Variants in DDB2 observed in about 807,000 individuals in gnomAD.
DDB2 encodes damage specific DNA binding protein 2, also known as DNA damage-binding protein 2.
Under a neutral mutation model 50.5 loss-of-function variants are expected in DDB2, and 27 were observed. That is an observed-to-expected ratio of 0.53 (90% confidence interval 0.39 to 0.74). The LOEUF is 0.74. Among genes scored for constraint, DDB2 ranks in the 30% least tolerant of loss-of-function variants. The pLI is 0.00. For synonymous variants in DDB2, 176 were observed against 205.5 expected, an observed-to-expected ratio of 0.86 and a Z score of 1.23; for missense variants, 424 against 545.6, an observed-to-expected ratio of 0.78 and a Z score of 2.22.
At chr11:47,224,124 T>A (rs1336634367) in intron 3 of DDB2, among the ~76,000 whole-genome samples, 1 of 152,118 alleles carries the variant, frequency 6.6e-6, no homozygotes, top group African/African-American at 2.4e-5. Context: ...TGATGAGAAG[T>A]CTGCTACTAT....
chr11:47,231,668 A>G (rs552362641), intron 3 of DDB2, among the ~76,000 whole-genome samples: 1 of 152,030 alleles, frequency 6.6e-6, no homozygotes, highest in South Asian at 2.1e-4. Context: ...AACCACATGC[A>G]CCTACCACCA....
At chr11:47,217,076 G>A (rs1423370573) in intron 3 of DDB2, 27 bp downstream of exon 3, 1 of 1,604,584 alleles carries the variant, frequency 6.2e-7, no homozygotes, top group African/African-American at 1.3e-5. Flanking sequence ...GCCAGGTCGT[G>A]CTAAAGAAGT....
chr11:47,215,351 C>A (rs1953385284), intron 1 of DDB2, 88 bp downstream of exon 1: 1 of 1,601,290 alleles, frequency 6.2e-7, no homozygotes. Context: ...CTCCGAGGCT[C>A]CCGAGGCCCG....
intron 3 of DDB2, among the ~76,000 whole-genome samples, chr11:47,218,019 C>T (rs1427851944): frequency 2.0e-5 from 3 of 152,186 alleles, no homozygotes; most frequent in African/African-American, 7.2e-5. Context: ...AATTGCTGTT[C>T]CCTTTGACTG....
chr11:47,220,558 A>C (rs1953469988), intron 3 of DDB2: 2 of 152,204 alleles, frequency 1.3e-5, no homozygotes, highest in Non-Finnish European at 2.9e-5. Context: ...TTTACAGTGT[A>C]AACTTTCTTT....
intron 3 of DDB2, among the ~76,000 whole-genome samples, chr11:47,223,507 G>A (rs1235856346): frequency 1.3e-5 from 2 of 151,394 alleles, no homozygotes; most frequent in South Asian, 2.1e-4. Context: ...AAGGCTGGGC[G>A]CGGTGGCTGA....
At chr11:47,219,907 C>T (rs1842786567) in intron 3 of DDB2, among the ~76,000 whole-genome samples, 1 of 152,298 alleles carries the variant, frequency 6.6e-6, no homozygotes. Context: ...CCTGCCTCAG[C>T]CTCCGAAGTA....
chr11:47,231,569 G>A (rs1045058712), intron 3 of DDB2, among the ~76,000 whole-genome samples: 4 of 151,854 alleles, frequency 2.6e-5, no homozygotes, highest in Non-Finnish European at 4.4e-5. Flanking sequence ...TGTCACCCAC[G>A]CTAGAGTGCA....
At chr11:47,216,104 T>G in intron 1 of DDB2, 1 of 665,672 alleles carries the variant, frequency 1.5e-6, no homozygotes, top group South Asian at 1.6e-5. Context: ...ACGACTGTAT[T>G]TACTTTCACT....
intron 3 of DDB2, among the ~76,000 whole-genome samples, chr11:47,232,516 A>G (rs1953664048): frequency 6.6e-6 from 1 of 151,254 alleles, no homozygotes; most frequent in Admixed American, 6.6e-5. Context: ...TTAGCTGGGC[A>G]TGGTGGCACG....
intron 7 of DDB2, 178 bp downstream of exon 7, chr11:47,235,590 C>A (rs551948788): frequency 1.8e-4 from 118 of 662,756 alleles, no homozygotes; most frequent in African/African-American, 1.5e-3. Flanking sequence ...CCACTTCTGC[C>A]ATCCCATATG....
In DDB2 at chr11:47,225,388, C is replaced by T. The variant is rs572628631; in HGVS notation, c.457-7426C>T. Among the ~76,000 whole-genome samples, 9 of 151,444 alleles carry T rather than the reference C, an allele frequency of 5.9e-5. No individual in the cohort carries two copies. In the South Asian group the frequency reaches 1.9e-3, roughly 32 times the overall value. ...TGGACGGATCACAAGGTCAGGAGAT[C>T]GAGACCATCCTGGCCAACATGGTGA... On this transcript the variant is annotated intron_variant, in intron 3 of 9. Coordinates refer to ENST00000256996, the MANE Select transcript of DDB2 (RefSeq NM_000107.3).
At position 47,215,009 on chromosome 11, in the gene DDB2, TTGGCTTAGCTCGGCTACCTG is replaced by T; in HGVS notation, c.-123_-104del. Reference sequence around the variant, plus strand: ...AGCCCTGGGCATGTTTGGCGGGAAGTTGGCTTAGCTCGGCTACCTGTGGCCCCGCAGTTTTGTAGTCCCCG... The same window carrying T: ...AGCCCTGGGCATGTTTGGCGGGAAGTTGGCCCCGCAGTTTTGTAGTCCCCG... On this transcript the variant is annotated 5_prime_UTR_variant, in exon 1 of 10. The change abolishes the stop of an existing upstream ORF in the 5' untranslated region. Transcript: ENST00000256996. 1 of 1,416,398 alleles carries T rather than the reference TTGGCTTAGCTCGGCTACCTG, an allele frequency of 7.1e-7. No homozygotes were observed. 87.7% of individuals were successfully genotyped at this position (1,416,398 alleles called of 1,614,324 possible).
chr11:47,229,362 G>A (rs1423070742), intron 3 of DDB2, among the ~76,000 whole-genome samples: 1 of 152,158 alleles, frequency 6.6e-6, no homozygotes, highest in East Asian at 1.9e-4. Context: ...GGTGAGCAGG[G>A]CTTTTGCATG....
chr11:47,235,645 T>C, intron 7 of DDB2: 2 of 578,892 alleles, frequency 3.5e-6, no homozygotes, highest in Middle Eastern at 9.4e-4. Context: ...CTGAGTTTTT[T>C]CAGCCCAGCT....
chr11:47,230,731 G>A (rs1329488651), intron 3 of DDB2, among the ~76,000 whole-genome samples: 1 of 152,192 alleles, frequency 6.6e-6, no homozygotes, highest in East Asian at 1.9e-4. Flanking sequence ...GTACAGGTCT[G>A]TGAGGCTGGG....
chr11:47,217,792 G>A (rs1008277234), intron 3 of DDB2, among the ~76,000 whole-genome samples: 3 of 152,078 alleles, frequency 2.0e-5, no homozygotes, highest in Non-Finnish European at 4.4e-5. Context: ...TTGGGACACT[G>A]AGGCAGGAGA....
Position 47,235,765 on chromosome 11 carries a change from TA to T in DDB2, c.1023+354del, listed in dbSNP as rs201321118. On this transcript the variant is annotated intron_variant, in intron 7 of 9. Coordinates refer to ENST00000256996, the MANE Select transcript of DDB2 (RefSeq NM_000107.3). ...AAACCTTCATTTTTTATTTTTTTAT[TA>T]TTTTTTTTAAGGCAGGGTCTCGCTC... The T allele has an allele frequency of 5.0e-3, 1,355 of 271,574 alleles. 12 individuals carry two copies. Among genetic ancestry groups the T allele is most frequent in the African/African-American group, 0.028 (1,269 of 45,426 alleles). The allele number at this position is 271,574 out of a possible 1,614,324, so 16.8% of individuals were successfully genotyped here. A position where few individuals can be genotyped will look rare whatever the true frequency, so the allele number is the denominator to read the frequency against.
Position 47,216,592 on chromosome 11 carries a change from CTG to C in DDB2, c.264+123_264+124del, listed in dbSNP as rs4647710. ...TGTCAGAGTGGTCCGATCACCCAGA[CTG>C]TGGTGACTGGCCTACTGGGCACTCA... On this transcript the variant is annotated intron_variant, in intron 2 of 9. Transcript: ENST00000256996. The C allele has an allele frequency of 2.7e-3, 3,785 of 1,425,902 alleles. 94 individuals carry two copies. The African/African-American group carries it at 0.049, about 18-fold the overall frequency. 88.3% of individuals were successfully genotyped at this position (1,425,902 alleles called of 1,614,324 possible).
Sources: allele counts gnomAD v4.1 joint callset (sites outside exome capture counted in the v4.1 genomes callset), GRCh38; gene constraint gnomAD v4.1.1; transcripts MANE v1.5; gene names NCBI Gene and HGNC (gene_info 2026-07-23, HGNC 2026-07-21).